CDH13: variants seen among roughly 807,000 people sequenced by gnomAD.
CDH13 encodes cadherin-13.
In CDH13, 24 loss-of-function variants were observed where a neutral mutation model predicts 63.8. That is an observed-to-expected ratio of 0.38 (90% CI 0.27 to 0.53). CDH13 has a LOEUF of 0.53. Ranked by LOEUF, CDH13 falls within the 20% of genes least tolerant of loss-of-function variation. The pLI, the probability that CDH13 is intolerant of heterozygous loss-of-function variation, is 0.85. For missense variants in CDH13, 1,049 were observed against 903.1 expected (o/e 1.16, Z -2.07); for synonymous variants, 503 against 355.3 (o/e 1.42, Z -4.67).
intron 1 of CDH13, among the ~76,000 whole-genome samples, chr16:82,680,178 A>G (rs1346334941): frequency 1.3e-5 from 2 of 152,216 alleles, no homozygotes; most frequent in Non-Finnish European, 2.9e-5. Context: ...GGACAGTGCC[A>G]TGAGCAGCTG....
intron 1 of CDH13, among the ~76,000 whole-genome samples, chr16:82,846,066 C>T (rs556182707): frequency 6.6e-6 from 1 of 152,254 alleles, no homozygotes; most frequent in South Asian, 2.1e-4. Context: ...GACAAAACAC[C>T]TTCAAATAAT....
At chr16:83,027,464 C>G (rs1407950359) in intron 2 of CDH13, among the ~76,000 whole-genome samples, 3 of 152,058 alleles carry the variant, frequency 2.0e-5, no homozygotes, top group Non-Finnish European at 4.4e-5. Flanking sequence ...AGAGGGAGCA[C>G]TATACACAAA....
chr16:83,344,997 T>A lies in CDH13; in HGVS notation c.772T>A (p.Ser258Thr). The change falls in exon 6 of 14, where the codon TCA becomes ACA. Residue 258 changes from serine to threonine, a missense_variant. Coordinates refer to ENST00000567109, the MANE Select transcript of CDH13 (RefSeq NM_001257.5). ...GPYIGHVMEGSPTGTTVMRMT... is the reference protein window; with the variant it reads ...GPYIGHVMEGTPTGTTVMRMT... The stretch of plus-strand genomic sequence containing the variant: ...CTACATCGGCCACGTCATGGAAGGG[T>A]CACCCACAGGTATGTCACATTGGCT... 6.2e-7 allele frequency: 1 copy of A among 1,613,880 alleles called. No individual in the cohort carries two copies. Among genetic ancestry groups the A allele is most frequent in the Non-Finnish European group, 8.5e-7 (1 of 1,179,814 alleles).
At chr16:83,635,194 T>C (rs1256864688) in intron 8 of CDH13, among the ~76,000 whole-genome samples, 8 of 152,176 alleles carry the variant, frequency 5.3e-5, no homozygotes, top group Non-Finnish European at 1.2e-4. Flanking sequence ...TAACTAATGA[T>C]ATGAAACATC....
chr16:82,872,791 A>G (rs1265710089), intron 2 of CDH13, among the ~76,000 whole-genome samples: 2 of 152,204 alleles, frequency 1.3e-5, no homozygotes, highest in Non-Finnish European at 2.9e-5. Flanking sequence ...AAAGATGTAT[A>G]TTGAGTCCCT....
chr16:83,778,798 G>A (rs1915301040), intron 11 of CDH13, among the ~76,000 whole-genome samples: 1 of 152,074 alleles, frequency 6.6e-6, no homozygotes, highest in Admixed American at 6.5e-5. Context: ...GGCACCATCA[G>A]CCATCTGAGA....
intron 5 of CDH13, among the ~76,000 whole-genome samples, chr16:83,250,379 G>A (rs559406905): frequency 2.0e-5 from 3 of 152,240 alleles, no homozygotes; most frequent in East Asian, 1.9e-4. Flanking sequence ...TAGCTTTCAC[G>A]GTTCACATTC....
intron 7 of CDH13, among the ~76,000 whole-genome samples, chr16:83,561,315 G>A (rs534055121): frequency 7.9e-5 from 12 of 151,450 alleles, no homozygotes; most frequent in Non-Finnish European, 1.0e-4. Flanking sequence ...GTGTGGTGAC[G>A]CATGGGAGGC....
rs187618260 is a variant in CDH13 at position 83,286,851 on chromosome 16, C to T, written c.637-58011C>T. ...ATCTATCTATCTATCTAGATATATA[C>T]CTCATATTCTTGTGAGTGGACTGAG... is the stretch of plus-strand genomic sequence containing the variant. On this transcript the variant is annotated intron_variant, in intron 5 of 13. Coordinates refer to ENST00000567109, the MANE Select transcript of CDH13 (RefSeq NM_001257.5). Among the ~76,000 whole-genome samples the T allele has an allele frequency of 4.0e-5, 6 of 150,946 alleles. No homozygotes were observed. In the East Asian group the frequency reaches 1.2e-3, roughly 29 times the overall value.
At chr16:83,158,389 C>G (rs2037306142) in intron 4 of CDH13, among the ~76,000 whole-genome samples, 1 of 152,162 alleles carries the variant, frequency 6.6e-6, no homozygotes, top group African/African-American at 2.4e-5. Context: ...TCACACTTGA[C>G]CACGTCTTTA....
chr16:83,753,281 C>T (rs1384855995), intron 11 of CDH13, among the ~76,000 whole-genome samples: 4 of 152,176 alleles, frequency 2.6e-5, no homozygotes, highest in African/African-American at 4.8e-5. Context: ...AGGTGGCTTA[C>T]ACCTGTAATC....
chr16:83,099,941 C>T (rs1023488026), intron 3 of CDH13, among the ~76,000 whole-genome samples: 14 of 152,290 alleles, frequency 9.2e-5, no homozygotes, highest in African/African-American at 3.1e-4. Flanking sequence ...AAAGCACCCA[C>T]ACTGTCCTAC....
chr16:83,299,867 G>A (rs772779743), intron 5 of CDH13, among the ~76,000 whole-genome samples: 1 of 152,178 alleles, frequency 6.6e-6, no homozygotes, highest in Non-Finnish European at 1.5e-5. Context: ...TCTCCTCATG[G>A]CTTAGCTCTG....
intron 1 of CDH13, among the ~76,000 whole-genome samples, chr16:82,744,081 G>A (rs1413649990): frequency 1.3e-5 from 2 of 152,064 alleles, no homozygotes; most frequent in Non-Finnish European, 1.5e-5. Flanking sequence ...AGAAATCTTC[G>A]CCTCCAAGAA....
intron 6 of CDH13, among the ~76,000 whole-genome samples, chr16:83,472,075 A>T (rs1334755749): frequency 6.6e-6 from 1 of 152,198 alleles, no homozygotes; most frequent in African/African-American, 2.4e-5. Context: ...ATTCTCAGAG[A>T]ACACAGTGTC....
chr16:83,121,962 T>TCACACACACACACACA (rs10665608), intron 3 of CDH13, among the ~76,000 whole-genome samples: 17 of 147,518 alleles, frequency 1.2e-4, no homozygotes, highest in South Asian at 4.4e-4. Context: ...TTTAAAACTG[T>TCACACACACACACACA]CACACACACA....
chr16:83,207,148 A>C (rs4577073), intron 4 of CDH13, among the ~76,000 whole-genome samples: 139,159 of 152,208 alleles, frequency 0.91, 64,488 homozygotes, highest in Non-Finnish European at 0.99. Context: ...GGCATTAAGT[A>C]CATCCACATT....
intron 5 of CDH13, among the ~76,000 whole-genome samples, chr16:83,231,189 T>A (rs1057262317): frequency 6.6e-6 from 1 of 152,198 alleles, no homozygotes; most frequent in African/African-American, 2.4e-5. Context: ...CCTCCACCCC[T>A]ATCCTCACTT....
intron 7 of CDH13, among the ~76,000 whole-genome samples, chr16:83,564,644 G>C (rs1040022302): frequency 2.0e-5 from 3 of 152,056 alleles, no homozygotes; most frequent in African/African-American, 7.2e-5. Context: ...CCTGACCTCA[G>C]GTGATCCACC....
Sources: gnomAD v4.1 joint callset for allele counts (sites outside exome capture counted in the v4.1 genomes callset) on GRCh38, gnomAD v4.1.1 for gene constraint, MANE v1.5 for transcripts, NCBI Gene and HGNC (gene_info 2026-07-23, HGNC 2026-07-21) for gene names.